The following HBP1 variants were observed in gnomAD, a reference collection of about 807,000 sequenced individuals.
The protein encoded by HBP1 is HMG box-containing protein 1.
In HBP1, 20 loss-of-function variants were observed where a neutral mutation model predicts 62.6. That is an observed-to-expected ratio of 0.32 (90% CI 0.22 to 0.46). The LOEUF (loss-of-function observed/expected upper bound fraction) is 0.46. Among genes scored for constraint, HBP1 ranks in the 20% least tolerant of loss-of-function variants. HBP1 has a pLI of 1.00. For missense variants in HBP1, 480 were observed against 611.8 expected (o/e 0.78, Z 2.27); for synonymous variants, 232 against 206.2 (o/e 1.12, Z -1.07).
chr7:107,169,720 A>G, intron 1 of HBP1: 9 of 984,690 alleles, frequency 9.1e-6, no homozygotes, highest in Non-Finnish European at 9.6e-6. Context: ...ATTGTTACGC[A>G]GTTCGAATGA....
At chr7:107,176,739 T>C (rs6947675) in intron 1 of HBP1, among the ~76,000 whole-genome samples, 24,651 of 149,266 alleles carry the variant, frequency 0.17, 2,374 homozygotes, top group Non-Finnish European at 0.22. Flanking sequence ...AGTGGAGGCT[T>C]AAAATCGTGA....
In HBP1 at chr7:107,181,069, T is replaced by C. The variant is rs17153918; in HGVS notation, c.169+1007T>C. On this transcript the variant is annotated intron_variant, in intron 2 of 10. Coordinates refer to ENST00000222574, the MANE Select transcript of HBP1 (RefSeq NM_012257.4). ...GGAAATAGCTATATCAGCATGAAAATTGTAGGGTAGAATTATTTTAAATTA... is the reference window on the plus strand; with the variant it reads ...GGAAATAGCTATATCAGCATGAAAACTGTAGGGTAGAATTATTTTAAATTA... Among the ~76,000 whole-genome samples, 1,297 of 152,116 alleles carry C rather than the reference T, an allele frequency of 8.5e-3. 10 individuals are homozygous for C. The highest frequency in any genetic ancestry group is 0.017 in the Middle Eastern group (5 of 294).
chr7:107,186,650 A>G lies in HBP1; in HGVS notation c.734A>G (p.Asn245Ser), dbSNP rs375166599. The change falls in exon 6 of 11, where the codon AAT (asparagine) becomes AGT (serine). Residue 245 changes from asparagine to serine, a missense_variant. Around this residue, in one of 4 missense-constraint regions of HBP1, gnomAD observed 304 missense variants for 330.9 expected, o/e 0.92. Coordinates refer to ENST00000222574, the MANE Select transcript of HBP1 (RefSeq NM_012257.4). ...TTTGCTAGAGCTGAAGGCTGTGATA[A>G]TGAGGAAGATCTTCAAATGGGCATT... is the stretch of plus-strand genomic sequence containing the variant. ...EDFARAEGCD[N>S]EEDLQMGIHK... The G allele has an allele frequency of 1.4e-5, 23 of 1,609,212 alleles. No homozygotes were observed. Among genetic ancestry groups the G allele is most frequent in the Non-Finnish European group, 2.0e-5 (23 of 1,176,848 alleles).
intron 1 of HBP1, among the ~76,000 whole-genome samples, chr7:107,176,041 TC>T (rs1196414730): frequency 1.4e-5 from 2 of 141,628 alleles, no homozygotes; most frequent in Middle Eastern, 4.1e-3. Context: ...TTTTTTTTTT[TC>T]GGAAATGGAG....
Position 107,186,623 on chromosome 7 carries a change from A to G in HBP1, c.707A>G (p.Asp236Gly). 6.2e-7 allele frequency: 1 copy of G among 1,613,768 alleles called. No homozygotes were observed. Among genetic ancestry groups the G allele is most frequent in the Non-Finnish European group, 8.5e-7 (1 of 1,179,688 alleles). The change falls in exon 6 of 11, where the codon GAT becomes GGT. Residue 236 changes from aspartate to glycine, a missense_variant. Asp to Gly is a moderately conservative substitution (Grantham distance 94). Coordinates refer to ENST00000222574, the MANE Select transcript of HBP1 (RefSeq NM_012257.4). ...AATAAGGAATGGCAAGATGTTGAAG[A>G]TTTTGCTAGAGCTGAAGGCTGTGAT... Reference protein sequence around the residue: ...GSNKEWQDVEDFARAEGCDNE... With the variant: ...GSNKEWQDVEGFARAEGCDNE...
chr7:107,179,807 T>C (rs1327140791), intron 1 of HBP1, 72 bp from the exon 2 acceptor site: 2 of 918,240 alleles, frequency 2.2e-6, no homozygotes, highest in African/African-American at 1.6e-5. Context: ...ATGTCTCTGA[T>C]TTATTTTAGG....
At chr7:107,201,178 G>A (rs1201208265) in intron 10 of HBP1, 3 of 375,840 alleles carry the variant, frequency 8.0e-6, no homozygotes, top group Non-Finnish European at 1.4e-5. Context: ...AGAATTTCAT[G>A]TGTTCGGACT....
rs565028746 is a variant in HBP1 at position 107,185,941 on chromosome 7, G to C, written c.539G>C (p.Arg180Thr). Residue 180 changes from arginine (R) to threonine (T), a missense_variant and splice_region_variant, in exon 4 of 11, where the codon AGG becomes ACG. Arg to Thr is a moderately conservative substitution (Grantham distance 71). Transcript: ENST00000222574. ...GAGGAAACACCAGTAAGACACGAAA[G>C]GGTAAGTTTATTTATGAGGTTAAAC... ...WKEETPVRHE[R>T]ANSESESGIF... is the part of the protein sequence containing the mutation. 2 of 1,610,450 alleles carry C rather than the reference G, an allele frequency of 1.2e-6. No individual in the cohort carries two copies. Among genetic ancestry groups the C allele is most frequent in the African/African-American group, 2.7e-5 (2 of 74,968 alleles).
At chr7:107,178,789 T>G (rs970534396) in intron 1 of HBP1, among the ~76,000 whole-genome samples, 3 of 152,162 alleles carry the variant, frequency 2.0e-5, no homozygotes, top group African/African-American at 7.2e-5. Context: ...TCCCAGCACT[T>G]TGGGAGGCCG....
chr7:107,174,663 C>T, intron 1 of HBP1: 1 of 983,734 alleles, frequency 1.0e-6, no homozygotes, highest in Non-Finnish European at 1.2e-6. Flanking sequence ...TCTGTGGACC[C>T]CAAGAACAGC....
Position 107,182,360 on chromosome 7 carries a change from T to C in HBP1, c.170-13T>C, listed in dbSNP as rs1417972440. The C allele has an allele frequency of 3.5e-6, 5 of 1,448,308 alleles. No individual in the cohort carries two copies. The highest frequency in any genetic ancestry group is 2.8e-5 in the African/African-American group (2 of 71,814). 89.7% of individuals were successfully genotyped at this position (1,448,308 alleles called of 1,614,324 possible). A position where few individuals can be genotyped will look rare whatever the true frequency, so the allele number is the denominator to read the frequency against. ...AATTTCCTTTTTATGATTTTGAGTGTGCTTATTTGCAGATGACCTTCCTGA... is the reference window on the plus strand; with the variant it reads ...AATTTCCTTTTTATGATTTTGAGTGCGCTTATTTGCAGATGACCTTCCTGA... On this transcript the variant is annotated splice_polypyrimidine_tract_variant and intron_variant, in intron 2 of 10. Coordinates refer to ENST00000222574, the MANE Select transcript of HBP1 (RefSeq NM_012257.4).
chr7:107,201,553 C>G lies in HBP1; in HGVS notation c.*122C>G. On this transcript the variant is annotated 3_prime_UTR_variant, in exon 11 of 11. Transcript: ENST00000222574. ...TCGTGTGACCATAAGATACTGATAG[C>G]ATTGAGTCTTGAAATGATTTAATAA... 1 of 553,116 alleles carries G rather than the reference C, an allele frequency of 1.8e-6. No homozygotes were observed. Among genetic ancestry groups the G allele is most frequent in the South Asian group, 2.9e-5 (1 of 34,428 alleles). The allele number at this position is 553,116 out of a possible 1,614,324, so 34.3% of individuals were successfully genotyped here.
intron 1 of HBP1, chr7:107,169,726 A>G: frequency 1.0e-6 from 1 of 985,238 alleles, no homozygotes; most frequent in Middle Eastern, 5.2e-4. Flanking sequence ...ACGCAGTTCG[A>G]ATGAATGGGC....
chr7:107,174,631 C>T (rs1235234067), intron 1 of HBP1: 1 of 985,150 alleles, frequency 1.0e-6, no homozygotes, highest in East Asian at 1.1e-4. Context: ...AGGGGGAAGA[C>T]AAGACAGACT....
Position 107,171,073 on chromosome 7 carries a change from A to ATTTTTTTTTTTT in HBP1, c.-16+1892_-16+1903dup, listed in dbSNP as rs60734729. Among the ~76,000 whole-genome samples, 42 of 87,200 alleles carry ATTTTTTTTTTTT rather than the reference A, an allele frequency of 4.8e-4. 7 individuals are homozygous for ATTTTTTTTTTTT. The highest frequency in any genetic ancestry group is 2.4e-3 in the African/African-American group (37 of 15,124). The allele number at this position is 87,200 out of a possible 152,430, so 57.2% of individuals were successfully genotyped here. A position where few individuals can be genotyped will look rare whatever the true frequency, so the allele number is the denominator to read the frequency against. ...TATATATATATATATATATATATAT[A>ATTTTTTTTTTTT]TTTTTTTTTTTTTTTGAGAGGGAGT... On this transcript the variant is annotated intron_variant, in intron 1 of 10. Transcript: ENST00000222574.
chr7:107,182,262 C>T (rs1437800512), intron 2 of HBP1, 111 bp from the exon 3 acceptor site: 17 of 633,084 alleles, frequency 2.7e-5, no homozygotes, highest in Non-Finnish European at 4.5e-5. Flanking sequence ...TGATTTTCCT[C>T]TCTCAAAATT....
chr7:107,172,115 AT>A (rs1235167307), intron 1 of HBP1, among the ~76,000 whole-genome samples: 2 of 151,784 alleles, frequency 1.3e-5, no homozygotes, highest in Non-Finnish European at 2.9e-5. Flanking sequence ...TTCTACTATC[AT>A]TTTCTATAGA....
At chr7:107,179,021 G>A (rs1290559751) in intron 1 of HBP1, among the ~76,000 whole-genome samples, 1 of 152,086 alleles carries the variant, frequency 6.6e-6, no homozygotes, top group East Asian at 1.9e-4. Flanking sequence ...GTGACAGAGC[G>A]AGACTCCGTC....
chr7:107,199,231 G>A (rs1363826452), intron 9 of HBP1, among the ~76,000 whole-genome samples: 4 of 152,070 alleles, frequency 2.6e-5, no homozygotes, highest in African/African-American at 9.7e-5. Context: ...GATTACAGGC[G>A]TGTGCCATCA....
Sources: allele counts gnomAD v4.1 joint callset (sites outside exome capture counted in the v4.1 genomes callset), GRCh38; gene constraint gnomAD v4.1.1; regional missense constraint gnomAD v4.1.1; transcripts MANE v1.5; gene names NCBI Gene and HGNC (gene_info 2026-07-23, HGNC 2026-07-21).